Variants in RABGAP1L observed in about 807,000 individuals in gnomAD.
RABGAP1L encodes the protein RAB GTPase activating protein 1 like.
In RABGAP1L, 63 loss-of-function variants were observed where a neutral mutation model predicts 137.7. The observed-to-expected ratio is 0.46, with a 90% CI of 0.37 to 0.56. The LOEUF (loss-of-function observed/expected upper bound fraction) is 0.56, where lower values mean the gene tolerates loss of function less well. Ranked by LOEUF, RABGAP1L falls within the 20% of genes least tolerant of loss-of-function variation. The pLI is 0.00. For missense variants in RABGAP1L, 1,095 were observed against 1,244.0 expected (o/e 0.88, Z 1.80); for synonymous variants, 431 against 433.7 (o/e 0.99, Z 0.08).
chr1:174,240,321 A>G (rs143721905), intron 4 of RABGAP1L, among the ~76,000 whole-genome samples: 2,916 of 152,308 alleles, frequency 0.019, 42 homozygotes, highest in Non-Finnish European at 0.031. Context: ...ATCTTGGTGC[A>G]CTGAAACATC....
In RABGAP1L at chr1:174,816,382, G is replaced by T. The variant is rs114100951; in HGVS notation, c.2340+4422G>T. Among the ~76,000 whole-genome samples, 1,147 of 152,062 alleles carry T rather than the reference G, an allele frequency of 7.5e-3. 9 individuals are homozygous for T. The highest frequency in any genetic ancestry group is 0.013 in the Non-Finnish European group (859 of 67,974). On this transcript the variant is annotated intron_variant, in intron 19 of 25. Coordinates refer to ENST00000681986, the MANE Select transcript of RABGAP1L (RefSeq NM_001366446.1). Reference sequence around the variant, plus strand: ...GCTAGTCTCATACTCCCGACCTCAGGTTATCCACCCCCCTTGGCCACCCAA... The same window carrying T: ...GCTAGTCTCATACTCCCGACCTCAGTTTATCCACCCCCCTTGGCCACCCAA...
At chr1:174,481,048 G>C (rs1344262708) in intron 13 of RABGAP1L, among the ~76,000 whole-genome samples, 3 of 152,064 alleles carry the variant, frequency 2.0e-5, no homozygotes, top group Non-Finnish European at 4.4e-5. Flanking sequence ...TTCTTTATCT[G>C]TCCAGTTACC....
intron 4 of RABGAP1L, among the ~76,000 whole-genome samples, chr1:174,238,360 T>C (rs1167115046): frequency 6.6e-6 from 1 of 152,146 alleles, no homozygotes; most frequent in Non-Finnish European, 1.5e-5. Flanking sequence ...TTTTAGAGTT[T>C]CCAGTTTTTC....
At chr1:174,648,780 G>A (rs1675203679) in intron 14 of RABGAP1L, among the ~76,000 whole-genome samples, 2 of 152,196 alleles carry the variant, frequency 1.3e-5, no homozygotes, top group Admixed American at 6.5e-5. Flanking sequence ...TTGTTGATCT[G>A]TCTGATATTG....
chr1:174,808,487 T>C (rs994913218), intron 18 of RABGAP1L, among the ~76,000 whole-genome samples: 1 of 152,138 alleles, frequency 6.6e-6, no homozygotes, highest in African/African-American at 2.4e-5. Flanking sequence ...GAGAGCAAGG[T>C]ACTGCTTTTA....
At chr1:174,285,412 TTTTTTTTACA>T (rs1007594822) in intron 10 of RABGAP1L, among the ~76,000 whole-genome samples, 50 of 152,192 alleles carry the variant, frequency 3.3e-4, no homozygotes, top group African/African-American at 1.2e-3. Flanking sequence ...GTAAATGGGA[TTTTTTTTACA>T]TTTATTTTTC....
At chr1:174,862,792 G>A (rs1205680706) in intron 19 of RABGAP1L, among the ~76,000 whole-genome samples, 1 of 152,018 alleles carries the variant, frequency 6.6e-6, no homozygotes, top group East Asian at 1.9e-4. Context: ...AGGCTTGAAG[G>A]ATTTACTTAT....
chr1:174,725,195 G>A (rs1681885082), intron 17 of RABGAP1L, among the ~76,000 whole-genome samples: 1 of 152,176 alleles, frequency 6.6e-6, no homozygotes, highest in South Asian at 2.1e-4. Context: ...AACCAGTTAG[G>A]AGCTACTGCT....
rs75273515 is a variant in RABGAP1L at position 174,809,430 on chromosome 1, G to A, written c.2212-2402G>A. Reference sequence around the variant, plus strand: ...GCCATCCCTGCTTGACTAGAGGTCCGGTGTGTGAGAATGTAGGATTCCTCA... The same window carrying A: ...GCCATCCCTGCTTGACTAGAGGTCCAGTGTGTGAGAATGTAGGATTCCTCA... On this transcript the variant is annotated intron_variant, in intron 18 of 25. Coordinates refer to ENST00000681986, the MANE Select transcript of RABGAP1L (RefSeq NM_001366446.1). Among the ~76,000 whole-genome samples the A allele has an allele frequency of 1.6e-3, 237 of 152,192 alleles. 1 individual carries two copies. Among genetic ancestry groups the A allele is most frequent in the East Asian group, 5.8e-3 (30 of 5,176 alleles).
chr1:174,582,978 AT>A (rs1668855145), intron 13 of RABGAP1L, among the ~76,000 whole-genome samples: 5 of 152,228 alleles, frequency 3.3e-5, no homozygotes, highest in African/African-American at 1.2e-4. Flanking sequence ...GGGATTTCAA[AT>A]TATGTAAATC....
At chr1:174,682,271 ACTCTCT>A (rs148219630) in intron 14 of RABGAP1L, among the ~76,000 whole-genome samples, 15 of 140,762 alleles carry the variant, frequency 1.1e-4, no homozygotes, top group South Asian at 4.6e-4. Context: ...ACAAAGCAAA[ACTCTCT>A]CTCTCTCTCT....
chr1:174,811,134 C>T (rs1010606096), intron 18 of RABGAP1L, among the ~76,000 whole-genome samples: 1 of 152,114 alleles, frequency 6.6e-6, no homozygotes, highest in African/African-American at 2.4e-5. Flanking sequence ...CCCATGATTC[C>T]ACTATACAGA....
At chr1:174,278,900 G>T in intron 10 of RABGAP1L, 121 bp downstream of exon 10, 1 of 889,416 alleles carries the variant, frequency 1.1e-6, no homozygotes, top group South Asian at 2.8e-5. Flanking sequence ...GAAATCAAAT[G>T]ATATTTGAAG....
chr1:174,815,077 C>T (rs142613997), intron 19 of RABGAP1L, among the ~76,000 whole-genome samples: 106 of 152,272 alleles, frequency 7.0e-4, no homozygotes, highest in African/African-American at 2.5e-3. Flanking sequence ...CCCACTAAAT[C>T]GATTTTACAA....
At chr1:174,485,004 T>C (rs940714574) in intron 13 of RABGAP1L, among the ~76,000 whole-genome samples, 2 of 151,930 alleles carry the variant, frequency 1.3e-5, no homozygotes, top group Non-Finnish European at 2.9e-5. Context: ...TCTATCCATT[T>C]GTGTGTGTGT....
At chr1:174,536,346 G>T (rs993013817) in intron 13 of RABGAP1L, among the ~76,000 whole-genome samples, 1 of 151,936 alleles carries the variant, frequency 6.6e-6, no homozygotes, top group African/African-American at 2.4e-5. Flanking sequence ...TTGTTTGCGT[G>T]TGTGAAAAAA....
intron 19 of RABGAP1L, among the ~76,000 whole-genome samples, chr1:174,906,724 T>C (rs564142615): frequency 1.1e-3 from 174 of 151,932 alleles, no homozygotes; most frequent in African/African-American, 3.9e-3. Flanking sequence ...AAATAAGATA[T>C]CCCAAGGGAT....
chr1:174,973,380 A>ATTT (rs1558296607), intron 21 of RABGAP1L, among the ~76,000 whole-genome samples: 6 of 130,618 alleles, frequency 4.6e-5, no homozygotes, highest in Non-Finnish European at 3.3e-5. Flanking sequence ...TTTTTCTTTC[A>ATTT]TTTCTTTTTT....
At chr1:174,255,430 C>CTGTA (rs1367616734) in intron 7 of RABGAP1L, among the ~76,000 whole-genome samples, 4 of 152,154 alleles carry the variant, frequency 2.6e-5, no homozygotes, top group African/African-American at 7.2e-5. Context: ...GAGAGAAGAC[C>CTGTA]TGTATACTCT....
Sources: allele counts gnomAD v4.1 joint callset (sites outside exome capture counted in the v4.1 genomes callset), GRCh38; gene constraint gnomAD v4.1.1; transcripts MANE v1.5; gene names NCBI Gene and HGNC (gene_info 2026-07-23, HGNC 2026-07-21).